CCDC149: variants seen among roughly 807,000 people sequenced by gnomAD.
CCDC149 encodes coiled-coil domain-containing protein 149.
Under a neutral mutation model 59.9 loss-of-function variants are expected in CCDC149, and 45 were observed. The observed-to-expected ratio is 0.75, with a 90% confidence interval of 0.59 to 0.96. CCDC149 has a LOEUF of 0.96. CCDC149 is among the 40% of genes least tolerant of loss of function. The probability of loss-of-function intolerance (pLI) is 0.00; values close to 1 mark genes in which losing one functional copy is unlikely to be tolerated. For synonymous variants in CCDC149, 245 were observed against 260.6 expected, an observed-to-expected ratio of 0.94 and a Z score of 0.58; for missense variants, 584 against 664.7, an observed-to-expected ratio of 0.88 and a Z score of 1.33.
chr4:24,976,721 A>G (rs1048865550), intron 1 of CCDC149, among the ~76,000 whole-genome samples: 7 of 152,304 alleles, frequency 4.6e-5, no homozygotes, highest in South Asian at 4.1e-4. Context: ...CTCCCTCTCA[A>G]AAAAACAAAA....
intron 3 of CCDC149, among the ~76,000 whole-genome samples, chr4:24,872,371 A>C (rs1371690522): frequency 6.6e-6 from 1 of 152,262 alleles, no homozygotes; most frequent in Non-Finnish European, 1.5e-5. Context: ...ACAGAATGGC[A>C]TGCAGCCACC....
intron 3 of CCDC149, among the ~76,000 whole-genome samples, chr4:24,867,586 T>C (rs935667559): frequency 4.6e-5 from 7 of 152,258 alleles, no homozygotes; most frequent in African/African-American, 7.2e-5. Flanking sequence ...CTCTTAAATG[T>C]GGTCCATGGA....
At chr4:24,905,416 T>C (rs1721432216) in intron 1 of CCDC149, among the ~76,000 whole-genome samples, 1 of 100,200 alleles carries the variant, frequency 1.0e-5, no homozygotes, top group African/African-American at 5.4e-5. Context: ...CGTGCGTGCG[T>C]GTGTGTGTGT....
chr4:24,886,411 T>C (rs925299916), intron 1 of CCDC149, among the ~76,000 whole-genome samples: 3 of 152,252 alleles, frequency 2.0e-5, no homozygotes, highest in African/African-American at 7.2e-5. Context: ...TTTGCCTCTC[T>C]GTTCAAGGAG....
upstream of CCDC149, among the ~76,000 whole-genome samples, chr4:24,916,499 G>A (rs1257244047): frequency 6.6e-6 from 1 of 152,146 alleles, no homozygotes; most frequent in African/African-American, 2.4e-5. Context: ...CTCTGGCCAG[G>A]TCTCGGCAGC....
At chr4:24,911,592 C>T (rs1721873873) in intron 1 of CCDC149, among the ~76,000 whole-genome samples, 1 of 152,150 alleles carries the variant, frequency 6.6e-6, no homozygotes, top group Admixed American at 6.5e-5. Flanking sequence ...AACATAAAGC[C>T]TGACAGTTTG....
intron 1 of CCDC149, among the ~76,000 whole-genome samples, chr4:24,906,762 A>G (rs576902360): frequency 6.6e-6 from 1 of 152,160 alleles, no homozygotes; most frequent in African/African-American, 2.4e-5. Flanking sequence ...CCATGCCCAG[A>G]ACAGTGAAAA....
rs576141224 is a variant in CCDC149, at chr4:24,843,655, T to C, written c.373-5383A>G. 6.0e-5 allele frequency among the ~76,000 whole-genome samples: 9 copies of C among 150,352 alleles called. No homozygotes were observed. In the South Asian group the frequency reaches 1.5e-3, roughly 25 times the overall value. Reference sequence around the variant, plus strand: ...ATCAAAACAGTAGTTTTCATCCTCCTACCCTGGAGATCAACACGCACACAC... The same window carrying C: ...ATCAAAACAGTAGTTTTCATCCTCCCACCCTGGAGATCAACACGCACACAC... On this transcript the variant is annotated intron_variant, in intron 4 of 12. Coordinates refer to ENST00000635206, the MANE Select transcript of CCDC149 (RefSeq NM_001330643.2).
At chr4:24,918,538 C>G in intron 1 of CCDC149, among the ~76,000 whole-genome samples, 1 of 152,176 alleles carries the variant, frequency 6.6e-6, no homozygotes, top group East Asian at 1.9e-4. Flanking sequence ...AGAATTGCCT[C>G]CCTGGGCCAG....
At chr4:24,963,319 G>A (rs962856961) in intron 1 of CCDC149, among the ~76,000 whole-genome samples, 6 of 152,074 alleles carry the variant, frequency 3.9e-5, no homozygotes, top group East Asian at 1.9e-4. Context: ...AAAGTAGGTC[G>A]TTTTTCAATC....
At chr4:24,909,112 A>G (rs1721721863) in intron 1 of CCDC149, among the ~76,000 whole-genome samples, 1 of 152,186 alleles carries the variant, frequency 6.6e-6, no homozygotes, top group African/African-American at 2.4e-5. Flanking sequence ...TCAGCTTATT[A>G]TACCAAATAT....
At position 24,869,920 on chromosome 4, in the gene CCDC149, T is replaced by C. The variant is rs1449034783; in HGVS notation, c.264+3761A>G. Among the ~76,000 whole-genome samples the C allele has an allele frequency of 4.6e-5, 7 of 152,302 alleles. No homozygotes were observed. In the East Asian group the frequency reaches 1.2e-3, roughly 25 times the overall value. The stretch of plus-strand genomic sequence containing the variant: ...AGTCGATGAGTGTATAGCAGCCCCC[T>C]GGTGCGTGCTATTAGACCAGGAATG... On this transcript the variant is annotated intron_variant, in intron 3 of 12. Transcript: ENST00000635206.
intron 10 of CCDC149, among the ~76,000 whole-genome samples, chr4:24,821,296 C>G (rs1715376143): frequency 6.6e-6 from 1 of 152,058 alleles, no homozygotes; most frequent in Non-Finnish European, 1.5e-5. Flanking sequence ...CCCGTTCATG[C>G]ATGGAAATGG....
chr4:24,820,963 TAGATA>T (rs1249691677), intron 11 of CCDC149, 87 bp downstream of exon 11: 12 of 633,068 alleles, frequency 1.9e-5, no homozygotes, highest in Non-Finnish European at 2.5e-5. Context: ...CAAGGAAAGG[TAGATA>T]ATGCATTTCT....
chr4:24,813,492 A>ATATCTATATC (rs1469334407), intron 12 of CCDC149, among the ~76,000 whole-genome samples: 3 of 6,446 alleles, frequency 4.7e-4, no homozygotes, highest in African/African-American at 6.5e-4. Flanking sequence ...CTTGGGGAAT[A>ATATCTATATC]TATATATATA....
intron 1 of CCDC149, among the ~76,000 whole-genome samples, chr4:24,973,743 G>A (rs1724052493): frequency 6.6e-6 from 1 of 152,224 alleles, no homozygotes; most frequent in Non-Finnish European, 1.5e-5. Flanking sequence ...GATTAACCCG[G>A]TCTGAACTGA....
At chr4:24,819,481 C>T (rs775999705) in intron 12 of CCDC149, among the ~76,000 whole-genome samples, 2 of 152,106 alleles carry the variant, frequency 1.3e-5, no homozygotes, top group Non-Finnish European at 2.9e-5. Flanking sequence ...CCACCACACC[C>T]GGCTAATTTT....
In CCDC149 at chr4:24,876,574, G is replaced by A. The variant is rs773413484; in HGVS notation, c.187C>T (p.Arg63Cys). 3.1e-6 allele frequency: 5 copies of A among 1,613,870 alleles called. No individual in the cohort carries two copies. Among genetic ancestry groups the A allele is most frequent in the East Asian group, 2.2e-5 (1 of 44,882 alleles). The change falls in exon 2 of 13, where the codon CGC becomes TGC. Residue 63 changes from arginine to cysteine, a missense_variant. By Grantham distance (180) the Arg-to-Cys change is radical. Transcript: ENST00000635206. The stretch of plus-strand genomic sequence containing the variant: ...TACTTCTTCTTCAGTGACTGGTGGC[G>A]CTCCCGGAGCTGATTGGCCATGAGT...
intron 1 of CCDC149, among the ~76,000 whole-genome samples, chr4:24,979,485 A>C (rs1046380158): frequency 3.9e-5 from 6 of 152,342 alleles, no homozygotes; most frequent in Admixed American, 1.3e-4. Flanking sequence ...ATCAAGCCTT[A>C]CTTGAAGCCT....
Sources: gnomAD v4.1 joint callset for allele counts (sites outside exome capture counted in the v4.1 genomes callset) on GRCh38, gnomAD v4.1.1 for gene constraint, MANE v1.5 for transcripts, NCBI Gene and HGNC (gene_info 2026-07-23, HGNC 2026-07-21) for gene names.